The following HMCN2 variants were observed in gnomAD, a reference collection of about 807,000 sequenced individuals.
HMCN2 encodes the protein hemicentin-2.
In HMCN2, 325 loss-of-function variants were observed where a neutral mutation model predicts 377.5. That is an observed-to-expected ratio of 0.86 (90% CI 0.79 to 0.94). The LOEUF is 0.94. Ranked by LOEUF, HMCN2 falls within the 40% of genes least tolerant of loss-of-function variation. The pLI is 0.00. For synonymous variants in HMCN2, 2,007 were observed against 2,046.8 expected, an observed-to-expected ratio of 0.98 and a Z score of 0.53; for missense variants, 4,543 against 4,725.3, an observed-to-expected ratio of 0.96 and a Z score of 1.13.
At position 130,394,691 on chromosome 9, in the gene HMCN2, T is replaced by G; in HGVS notation, c.10692+116T>G. 1.2e-6 allele frequency: 1 copy of G among 845,220 alleles called. No individual in the cohort carries two copies. Among genetic ancestry groups the G allele is most frequent in the Non-Finnish European group, 1.6e-6 (1 of 617,256 alleles). The allele number at this position is 845,220 out of a possible 1,614,324, so 52.4% of individuals were successfully genotyped here. On this transcript the variant is annotated intron_variant, in intron 69 of 97. Coordinates refer to ENST00000683500, the MANE Select transcript of HMCN2 (RefSeq NM_001291815.2). The surrounding 1 kb of genome is among the most constrained non-coding windows in gnomAD (Gnocchi z 5.1). ...GTTGGGCTGAAGCACCTCCTCTGTG[T>G]GGGGTGTGAGGGTGTGGAGGTGACC... is the stretch of plus-strand genomic sequence containing the variant.
intron 11 of HMCN2, among the ~76,000 whole-genome samples, 185 bp downstream of exon 11, chr9:130,305,187 C>T (rs1035976394): frequency 1.3e-5 from 2 of 152,216 alleles, no homozygotes; most frequent in Admixed American, 6.5e-5. Context: ...TCTAATGGCT[C>T]TCACTGCTGG....
chr9:130,382,120 G>A, intron 54 of HMCN2, 64 bp from the exon 55 acceptor site: 1 of 691,978 alleles, frequency 1.4e-6, no homozygotes, highest in Non-Finnish European at 1.8e-6. Context: ...GGAGGGGGCA[G>A]CGTCTTTGCT....
At chr9:130,311,884 TCA>T (rs1837261748) in intron 15 of HMCN2, among the ~76,000 whole-genome samples, 2 of 152,068 alleles carry the variant, frequency 1.3e-5, no homozygotes, top group Middle Eastern at 3.4e-3. Context: ...GGTCGTGTGC[TCA>T]GACTTTTCCA....
chr9:130,381,776 C>G, intron 54 of HMCN2, among the ~76,000 whole-genome samples: 1 of 152,074 alleles, frequency 6.6e-6, no homozygotes, highest in Admixed American at 6.5e-5. Context: ...GGAGTTGCCT[C>G]CCTTGCCTCC....
chr9:130,330,559 G>A (rs1265250458), intron 22 of HMCN2, among the ~76,000 whole-genome samples: 4 of 152,162 alleles, frequency 2.6e-5, no homozygotes, highest in East Asian at 3.9e-4. Context: ...AGGGACACAC[G>A]TATCAGGTGG....
chr9:130,367,589 T>C (rs1257357484), intron 43 of HMCN2, among the ~76,000 whole-genome samples: 1 of 152,046 alleles, frequency 6.6e-6, no homozygotes, highest in Non-Finnish European at 1.5e-5. Context: ...TGGATGGTCG[T>C]TCCTTCAGTA....
Position 130,310,007 on chromosome 9 carries a change from C to T in HMCN2, c.2296C>T (p.Arg766Trp), listed in dbSNP as rs374761776. ...GAGGGATGCTGGCACCTACACCTGC[C>T]GGGCTGTCAATGAGTTGGGTGACGC... ...QERDAGTYTC[R>W]AVNELGDASA... Residue 766 changes from arginine (R) to tryptophan (W), a missense_variant, in exon 15 of 98, where the codon CGG becomes TGG. Physicochemically the swap from Arg to Trp is moderately radical, Grantham distance 101. Coordinates refer to ENST00000683500, the MANE Select transcript of HMCN2 (RefSeq NM_001291815.2). 24 of 533,972 alleles carry T rather than the reference C, an allele frequency of 4.5e-5. No homozygotes were observed. Among genetic ancestry groups the T allele is most frequent in the East Asian group, 2.2e-4 (4 of 18,314 alleles). The allele number at this position is 533,972 out of a possible 1,614,324, so 33.1% of individuals were successfully genotyped here.
intron 86 of HMCN2, 88 bp downstream of exon 86, chr9:130,419,129 C>G: frequency 7.8e-7 from 1 of 1,274,548 alleles, no homozygotes; most frequent in South Asian, 2.1e-5. Context: ...GAGACCTGTC[C>G]CCTGCCTTGC....
At position 130,407,675 on chromosome 9, in the gene HMCN2, A is replaced by G. The variant is rs1285854924; in HGVS notation, c.12658A>G (p.Thr4220Ala). The change falls in exon 83 of 98, where the codon ACG becomes GCG. Residue 4220 changes from threonine (T) to alanine (A), a missense_variant. Physicochemically the swap from Thr to Ala is moderately conservative, Grantham distance 58 (BLOSUM62 0). This residue lies in a region of HMCN2 where 1,073 missense variants were observed against 1,319.5 expected (regional missense o/e 0.81). Coordinates refer to ENST00000683500, the MANE Select transcript of HMCN2 (RefSeq NM_001291815.2). The stretch of plus-strand genomic sequence containing the variant: ...CTGGGCGGAGAACAGAGTGGGCCGC[A>G]CGCAGGCGGTCAGCTTCGTCCACGT... ...VCWAENRVGR[T>A]QAVSFVHVKE... 1.6e-6 allele frequency: 2 copies of G among 1,261,728 alleles called. No individual in the cohort carries two copies. The highest frequency in any genetic ancestry group is 1.5e-5 in the African/African-American group (1 of 64,990). 78.2% of individuals were successfully genotyped at this position (1,261,728 alleles called of 1,614,324 possible). A position where few individuals can be genotyped will look rare whatever the true frequency, so the allele number is the denominator to read the frequency against.
At chr9:130,417,717 G>A (rs1388175672) in intron 85 of HMCN2, among the ~76,000 whole-genome samples, 1 of 152,170 alleles carries the variant, frequency 6.6e-6, no homozygotes, top group Non-Finnish European at 1.5e-5. Flanking sequence ...ACCTCTGGAG[G>A]AAGCAGGGCA....
intron 28 of HMCN2, 77 bp from the exon 29 acceptor site, chr9:130,349,442 CCAGGCTGGGGGGTCTGCA>C: frequency 1.6e-6 from 2 of 1,218,532 alleles, no homozygotes; most frequent in Non-Finnish European, 2.1e-6. Flanking sequence ...GGAGGGGGGC[CCAGGCTGGGGGGTCTGCA>C]CAGACAAAGG....
chr9:130,365,650 G>C lies in HMCN2; in HGVS notation c.6428G>C (p.Trp2143Ser). Residue 2143 changes from tryptophan (W) to serine (S), a missense_variant, in exon 42 of 98, where the codon TGG becomes TCG. By Grantham distance (177) the Trp-to-Ser change is radical (BLOSUM62 -3). Around this residue, in one of 5 missense-constraint regions of HMCN2, gnomAD observed 1,032 missense variants for 1,285.1 expected, o/e 0.80. Coordinates refer to ENST00000683500, the MANE Select transcript of HMCN2 (RefSeq NM_001291815.2). ...TGCCAGGTGGACAGAGCCGATGTGTGGGATGCGGGCCATTACACCTGTGAG... is the reference window on the plus strand; with the variant it reads ...TGCCAGGTGGACAGAGCCGATGTGTCGGATGCGGGCCATTACACCTGTGAG... ...ALLQVDRADV[W>S]DAGHYTCEAL... 1 of 986,024 alleles carries C rather than the reference G, an allele frequency of 1.0e-6. No homozygotes were observed. The highest frequency in any genetic ancestry group is 1.2e-6 in the Non-Finnish European group (1 of 830,046). 61.1% of individuals were successfully genotyped at this position (986,024 alleles called of 1,614,324 possible).
intron 28 of HMCN2, 117 bp downstream of exon 28, chr9:130,349,248 GGACCCATGACA>G: frequency 9.1e-7 from 1 of 1,102,316 alleles, no homozygotes; most frequent in Non-Finnish European, 1.2e-6. Flanking sequence ...GGGCACAGAG[GGACCCATGACA>G]GACCCAACCC....
At chr9:130,400,578 T>G (rs1487615457) in intron 76 of HMCN2, 2 of 141,778 alleles carry the variant, frequency 1.4e-5, no homozygotes, top group African/African-American at 6.2e-5. Flanking sequence ...AAAAATACAC[T>G]TTTTTTTTTA....
At chr9:130,331,653 G>T (rs930590533) in intron 22 of HMCN2, among the ~76,000 whole-genome samples, 6 of 152,148 alleles carry the variant, frequency 3.9e-5, no homozygotes, top group Non-Finnish European at 7.3e-5. Context: ...GAAATGAAAG[G>T]GTTGGACAGG....
intron 4 of HMCN2, among the ~76,000 whole-genome samples, chr9:130,291,954 G>A (rs1308284330): frequency 6.6e-6 from 1 of 151,016 alleles, no homozygotes; most frequent in Non-Finnish European, 1.5e-5. Context: ...TGTTCAAGAG[G>A]CATGGATTTG....
rs976913256 is a variant in HMCN2 at position 130,303,022 on chromosome 9, G to A, written c.1421+21G>A. 1 of 460,256 alleles carries A rather than the reference G, an allele frequency of 2.2e-6. No homozygotes were observed. Among genetic ancestry groups the A allele is most frequent in the Non-Finnish European group, 4.5e-6 (1 of 221,372 alleles). 28.5% of individuals were successfully genotyped at this position (460,256 alleles called of 1,614,324 possible). ...TTTCAGTGAGTGGCCCACGGCAGCTGATTGTCCCCAGCCACAGGGCTCCTG... is the reference window on the plus strand; with the variant it reads ...TTTCAGTGAGTGGCCCACGGCAGCTAATTGTCCCCAGCCACAGGGCTCCTG... On this transcript the variant is annotated intron_variant, in intron 9 of 97. Transcript: ENST00000683500. The surrounding 1 kb of genome is among the most constrained non-coding windows in gnomAD (Gnocchi z 5.2).
chr9:130,418,435 C>T (rs1207264351), intron 85 of HMCN2, among the ~76,000 whole-genome samples: 3 of 152,010 alleles, frequency 2.0e-5, no homozygotes, highest in Non-Finnish European at 4.4e-5. Flanking sequence ...GTAGCAGGCG[C>T]TCTTGGGAGG....
intron 87 of HMCN2, among the ~76,000 whole-genome samples, chr9:130,424,336 G>A (rs781411950): frequency 3.1e-5 from 4 of 129,048 alleles, no homozygotes; most frequent in East Asian, 2.5e-4. Context: ...CTGCCACGGC[G>A]CCCGGCTAAT....
Sources: gnomAD v4.1 joint callset for allele counts (sites outside exome capture counted in the v4.1 genomes callset) on GRCh38, gnomAD v4.1.1 for gene constraint, gnomAD v4.1.1 regional missense constraint, Gnocchi (gnomAD v3.1) non-coding constraint, MANE v1.5 for transcripts, NCBI Gene and HGNC (gene_info 2026-07-23, HGNC 2026-07-21) for gene names.